The following ADCY9 variants were observed in gnomAD, a reference collection of about 807,000 sequenced individuals.
The protein encoded by ADCY9 is adenylate cyclase type 9.
ADCY9 carries 50 observed loss-of-function variants against 101.5 expected under a neutral mutation model. The ratio of observed to expected loss-of-function variants is 0.49; its 90% CI spans 0.39 to 0.62. The LOEUF (loss-of-function observed/expected upper bound fraction) is 0.62, where lower values mean the gene tolerates loss of function less well. Among genes scored for constraint, ADCY9 ranks in the 20% least tolerant of loss-of-function variants. The probability of loss-of-function intolerance (pLI) is 0.00; values close to 1 mark genes in which losing one functional copy is unlikely to be tolerated. For missense variants in ADCY9, 1,662 were observed against 1,800.4 expected (o/e 0.92, Z 1.39); for synonymous variants, 905 against 769.3 (o/e 1.18, Z -2.92).
intron 2 of ADCY9, 47 bp downstream of exon 2, chr16:4,113,703 A>T (rs779793305): frequency 2.6e-6 from 4 of 1,557,434 alleles, no homozygotes; most frequent in Admixed American, 2.0e-5. Context: ...AATTTAATAC[A>T]ATCAGGATCA....
intron 2 of ADCY9, among the ~76,000 whole-genome samples, chr16:4,105,831 G>A (rs1216840787): frequency 1.3e-5 from 2 of 152,118 alleles, no homozygotes; most frequent in East Asian, 3.9e-4. Context: ...GGGCAACAGA[G>A]GAAGACCCTG....
intron 5 of ADCY9, among the ~76,000 whole-genome samples, chr16:3,990,772 ACTG>A (rs35591676): frequency 0.45 from 67,639 of 151,834 alleles, 17,422 homozygotes; most frequent in Non-Finnish European, 0.57. Flanking sequence ...CAGAAGCGAC[ACTG>A]CTATTAGCTG....
At chr16:4,107,828 G>A (rs1395588349) in intron 2 of ADCY9, among the ~76,000 whole-genome samples, 1 of 152,134 alleles carries the variant, frequency 6.6e-6, no homozygotes, top group Admixed American at 6.5e-5. Flanking sequence ...GTTTGCAGAG[G>A]CTAACGCATA....
chr16:4,072,682 T>C (rs1237470220), intron 2 of ADCY9, among the ~76,000 whole-genome samples: 1 of 152,164 alleles, frequency 6.6e-6, no homozygotes, highest in African/African-American at 2.4e-5. Context: ...TAATGGCCAA[T>C]AATTTTTTAA....
At chr16:4,079,922 T>C (rs2056891480) in intron 2 of ADCY9, among the ~76,000 whole-genome samples, 1 of 152,058 alleles carries the variant, frequency 6.6e-6, no homozygotes, top group African/African-American at 2.4e-5. Context: ...TTTACTTTTA[T>C]AATAAAAAAT....
At chr16:4,027,425 C>T (rs771344452) in intron 2 of ADCY9, among the ~76,000 whole-genome samples, 53 of 152,196 alleles carry the variant, frequency 3.5e-4, no homozygotes, top group Admixed American at 4.6e-4. Flanking sequence ...TATAATTATC[C>T]GAGACTGGGT....
intron 2 of ADCY9, among the ~76,000 whole-genome samples, chr16:4,056,394 T>C (rs917787694): frequency 1.3e-5 from 2 of 152,252 alleles, no homozygotes; most frequent in East Asian, 1.9e-4. Flanking sequence ...GCTGGGACGA[T>C]AGGCGTGCAC....
intron 3 of ADCY9, among the ~76,000 whole-genome samples, chr16:4,006,000 C>T (rs1412472046): frequency 6.6e-6 from 1 of 152,190 alleles, no homozygotes; most frequent in Non-Finnish European, 1.5e-5. Flanking sequence ...AGGCGGCTGT[C>T]TCTAAAGTTT....
At chr16:3,972,106 T>C (rs987108278) in intron 10 of ADCY9, among the ~76,000 whole-genome samples, 2 of 152,158 alleles carry the variant, frequency 1.3e-5, no homozygotes, top group Non-Finnish European at 2.9e-5. Flanking sequence ...AAGAAACAGG[T>C]ACGAGGACAG....
At position 4,087,561 on chromosome 16, in the gene ADCY9, A is replaced by G. The variant is rs796980448; in HGVS notation, c.1693+26189T>C. On this transcript the variant is annotated intron_variant, in intron 2 of 10. Coordinates refer to ENST00000294016, the MANE Select transcript of ADCY9 (RefSeq NM_001116.4). ...AAAAAGATAAAAAAAAAAAAAAAAA[A>G]AAGAAGAACAACAACAGCTAAGAGT... Among the ~76,000 whole-genome samples the G allele has an allele frequency of 1.4e-3, 214 of 149,288 alleles. 3 individuals carry two copies. The highest frequency in any genetic ancestry group is 2.7e-3 in the African/African-American group (111 of 41,060).
intron 2 of ADCY9, among the ~76,000 whole-genome samples, chr16:4,024,328 T>A (rs1442031846): frequency 2.6e-5 from 4 of 152,150 alleles, no homozygotes; most frequent in Admixed American, 1.3e-4. Flanking sequence ...TCCAATTTTT[T>A]AAAACTTTTT....
At chr16:4,110,963 C>T (rs1018056426) in intron 2 of ADCY9, among the ~76,000 whole-genome samples, 4 of 152,060 alleles carry the variant, frequency 2.6e-5, no homozygotes, top group Non-Finnish European at 4.4e-5. Context: ...TCCTACCTCA[C>T]GATCACGGAT....
intron 2 of ADCY9, among the ~76,000 whole-genome samples, chr16:4,103,814 G>C (rs1008063556): frequency 2.0e-5 from 3 of 152,140 alleles, no homozygotes; most frequent in African/African-American, 7.2e-5. Context: ...CCGGGCGACA[G>C]AGCGAGACTC....
At chr16:4,076,491 G>A (rs1385908594) in intron 2 of ADCY9, among the ~76,000 whole-genome samples, 1 of 152,318 alleles carries the variant, frequency 6.6e-6, no homozygotes, top group African/African-American at 2.4e-5. Context: ...AAAGACAGAC[G>A]AATGATTTTT....
chr16:4,070,545 G>C (rs569560359), intron 2 of ADCY9, among the ~76,000 whole-genome samples: 3 of 152,278 alleles, frequency 2.0e-5, no homozygotes, highest in East Asian at 3.9e-4. Flanking sequence ...GCTGGGCCTG[G>C]TGGCTCACAC....
At chr16:4,082,327 C>T (rs767361799) in intron 2 of ADCY9, among the ~76,000 whole-genome samples, 8 of 152,108 alleles carry the variant, frequency 5.3e-5, no homozygotes, top group African/African-American at 7.2e-5. Context: ...TACAGTGAGC[C>T]ACTATTGCCA....
intron 2 of ADCY9, among the ~76,000 whole-genome samples, chr16:4,111,850 A>AT (rs34476259): frequency 0.42 from 60,090 of 143,036 alleles, 13,920 homozygotes; most frequent in East Asian, 0.8. Context: ...TCACTCTAGC[A>AT]TTTTTTTTTT....
At chr16:3,993,882 C>G (rs2056267256) in intron 3 of ADCY9, among the ~76,000 whole-genome samples, 1 of 152,162 alleles carries the variant, frequency 6.6e-6, no homozygotes, top group South Asian at 2.1e-4. Context: ...GGAAGCCAGA[C>G]ACAGCACAGA....
Position 4,115,643 on chromosome 16 carries a change from C to A in ADCY9, c.-44+47G>T, listed in dbSNP as rs2057146294. On this transcript the variant is annotated intron_variant, in intron 1 of 10. Transcript: ENST00000294016. This position sits in a 1 kb window ranked among gnomAD's most constrained non-coding sequence, Gnocchi z 6.2. ...CCGGCTCAGCGGTGCTCCCACCGCCCCCACCGCCCCCACCTTCGAGGCGCA... is the reference window on the plus strand; with the variant it reads ...CCGGCTCAGCGGTGCTCCCACCGCCACCACCGCCCCCACCTTCGAGGCGCA... 4 of 619,554 alleles carry A rather than the reference C, an allele frequency of 6.5e-6. No individual in the cohort carries two copies. Among genetic ancestry groups the A allele is most frequent in the Non-Finnish European group, 1.1e-5 (4 of 372,314 alleles). The allele number at this position is 619,554 out of a possible 1,614,324, so 38.4% of individuals were successfully genotyped here. A position where few individuals can be genotyped will look rare whatever the true frequency, so the allele number is the denominator to read the frequency against.
Sources: gnomAD v4.1 joint callset for allele counts (sites outside exome capture counted in the v4.1 genomes callset) on GRCh38, gnomAD v4.1.1 for gene constraint, Gnocchi (gnomAD v3.1) non-coding constraint, MANE v1.5 for transcripts, NCBI Gene and HGNC (gene_info 2026-07-23, HGNC 2026-07-21) for gene names.